STIMATE: variants seen among roughly 807,000 people sequenced by gnomAD.
The protein encoded by STIMATE is STIM activating enhancer, also known as store-operated calcium entry regulator STIMATE.
A neutral mutation model predicts 36.7 loss-of-function variants in STIMATE; 15 were observed. The ratio of observed to expected loss-of-function variants is 0.41; its 90% CI spans 0.27 to 0.63. The LOEUF is 0.63. Ranked by LOEUF, STIMATE falls within the 20% of genes least tolerant of loss-of-function variation. The probability of loss-of-function intolerance (pLI) is 0.32; values close to 1 mark genes in which losing one functional copy is unlikely to be tolerated. For missense variants in STIMATE, 305 were observed against 397.3 expected (o/e 0.77, Z 1.98); for synonymous variants, 163 against 162.3 (o/e 1.00, Z -0.03).
Position 52,880,742 on chromosome 3 carries a change from T to C in STIMATE, c.160+16549A>G, listed in dbSNP as rs574689997. Among the ~76,000 whole-genome samples the C allele has an allele frequency of 4.6e-5, 7 of 152,360 alleles. No homozygotes were observed. In the South Asian group the frequency reaches 1.4e-3, roughly 32 times the overall value. ...ACCAAAAATGTGTAGAAAGTCACTA[T>C]GCATGGAATGAGCTGGCTGTTTCAA... On this transcript the variant is annotated intron_variant, in intron 1 of 7. Coordinates refer to ENST00000355083, the MANE Select transcript of STIMATE (RefSeq NM_198563.5).
chr3:52,851,025 G>A (rs575366614), intron 3 of STIMATE, among the ~76,000 whole-genome samples: 15 of 152,280 alleles, frequency 9.9e-5, no homozygotes, highest in African/African-American at 2.6e-4. Flanking sequence ...CACCGTGCCC[G>A]GCCTACACTT....
intron 3 of STIMATE, among the ~76,000 whole-genome samples, chr3:52,851,881 T>C (rs1043706230): frequency 6.6e-6 from 1 of 152,244 alleles, no homozygotes; most frequent in Admixed American, 6.5e-5. Context: ...CTGGGCTCCA[T>C]GACTCCTGAG....
At chr3:52,844,790 A>G (rs1700865343) in intron 5 of STIMATE, 39 bp downstream of exon 5, 1 of 1,606,646 alleles carries the variant, frequency 6.2e-7, no homozygotes, top group African/African-American at 1.3e-5. Context: ...CTGCTTGCTC[A>G]GCGTGGCAAG....
intron 1 of STIMATE, among the ~76,000 whole-genome samples, chr3:52,862,882 T>G (rs1701240609): frequency 6.6e-6 from 1 of 151,396 alleles, no homozygotes; most frequent in Non-Finnish European, 1.5e-5. Context: ...GATGGAGGAA[T>G]AGAGACAGAA....
intron 1 of STIMATE, among the ~76,000 whole-genome samples, chr3:52,886,894 A>T (rs911416344): frequency 2.0e-5 from 3 of 152,196 alleles, no homozygotes; most frequent in African/African-American, 7.2e-5. Flanking sequence ...AAAACATGTA[A>T]CCTGAATGTA....
In STIMATE at chr3:52,896,467, C is replaced by A. The variant is rs563195922; in HGVS notation, c.160+824G>T. 7.7e-3 allele frequency among the ~76,000 whole-genome samples: 1,169 copies of A among 152,218 alleles called. 10 individuals carry two copies. The highest frequency in any genetic ancestry group is 0.012 in the Non-Finnish European group (790 of 68,008). ...CACACGATGAAAAACAGAAGCCCCC[C>A]CCCACCCCCCATCAGCACACATGAG... is the stretch of plus-strand genomic sequence containing the variant. On this transcript the variant is annotated intron_variant, in intron 1 of 7. Coordinates refer to ENST00000355083, the MANE Select transcript of STIMATE (RefSeq NM_198563.5).
At chr3:52,893,568 C>A (rs1023938717) in intron 1 of STIMATE, among the ~76,000 whole-genome samples, 3 of 152,134 alleles carry the variant, frequency 2.0e-5, no homozygotes, top group African/African-American at 7.2e-5. Context: ...CCTGTTCACA[C>A]AGAGCACACA....
At position 52,875,009 on chromosome 3, in the gene STIMATE, C is replaced by T. The variant is rs1016492445; in HGVS notation, c.161-19565G>A. 5.3e-5 allele frequency among the ~76,000 whole-genome samples: 8 copies of T among 152,302 alleles called. 1 individual carries two copies. In the South Asian group the frequency reaches 8.3e-4, roughly 16 times the overall value. On this transcript the variant is annotated intron_variant, in intron 1 of 7. Coordinates refer to ENST00000355083, the MANE Select transcript of STIMATE (RefSeq NM_198563.5). ...AAAAGCTTCCAGCAGGCAGAACTCACGAGAGACGGAAAATGCGCCACTTTA... is the reference window on the plus strand; with the variant it reads ...AAAAGCTTCCAGCAGGCAGAACTCATGAGAGACGGAAAATGCGCCACTTTA...
At chr3:52,863,605 CA>C (rs55810997) in intron 1 of STIMATE, among the ~76,000 whole-genome samples, 145,277 of 152,252 alleles carry the variant, frequency 0.95, 69,683 homozygotes, top group Middle Eastern at 1. Context: ...AACAGTCCCC[CA>C]AAAGTCTTAA....
intron 1 of STIMATE, among the ~76,000 whole-genome samples, chr3:52,863,807 C>T (rs6764322): frequency 0.58 from 87,659 of 152,038 alleles, 25,721 homozygotes; most frequent in Middle Eastern, 0.64. Context: ...GGTTACAGGG[C>T]CCATGCAAGT....
chr3:52,854,987 GA>G (rs1701069559), intron 2 of STIMATE, among the ~76,000 whole-genome samples: 1 of 152,238 alleles, frequency 6.6e-6, no homozygotes, highest in Admixed American at 6.5e-5. Flanking sequence ...CTCGTTTGGA[GA>G]GAGGAGCGTT....
intron 4 of STIMATE, chr3:52,847,460 T>G: frequency 1.6e-6 from 2 of 1,289,060 alleles, no homozygotes; most frequent in South Asian, 2.5e-5. Context: ...GCAGACACCA[T>G]GCGTCACCTG....
At chr3:52,857,042 AACTTCTGG>A (rs1701112242) in intron 1 of STIMATE, among the ~76,000 whole-genome samples, 1 of 152,218 alleles carries the variant, frequency 6.6e-6, no homozygotes, top group East Asian at 1.9e-4. Flanking sequence ...GGCAAGAACC[AACTTCTGG>A]CAGAGTCCTG....
chr3:52,845,019 C>A, intron 4 of STIMATE, 78 bp from the exon 5 acceptor site: 6 of 1,474,900 alleles, frequency 4.1e-6, no homozygotes, highest in Non-Finnish European at 5.6e-6. Context: ...CACTCCCCCA[C>A]ACGCACCCCA....
At position 52,885,575 on chromosome 3, in the gene STIMATE, C is replaced by T. The variant is rs75583581; in HGVS notation, c.160+11716G>A. 3.7e-4 allele frequency among the ~76,000 whole-genome samples: 56 copies of T among 152,310 alleles called. No individual in the cohort carries two copies. In the East Asian group the frequency reaches 9.3e-3, roughly 25 times the overall value. On this transcript the variant is annotated intron_variant, in intron 1 of 7. Transcript: ENST00000355083. ...AGTTCCACTTACAGTTCTCCAGCAG[C>T]GGTTCTTCAATTTGCTTCTTGAGTT...
intron 1 of STIMATE, among the ~76,000 whole-genome samples, chr3:52,888,796 C>T (rs1244121942): frequency 2.0e-5 from 3 of 152,116 alleles, no homozygotes; most frequent in Non-Finnish European, 4.4e-5. Context: ...ATTCTGCATA[C>T]AAGAAATAAA....
intron 1 of STIMATE, among the ~76,000 whole-genome samples, chr3:52,867,409 G>A (rs1056663725): frequency 6.6e-6 from 1 of 152,248 alleles, no homozygotes; most frequent in African/African-American, 2.4e-5. Flanking sequence ...GGACCTCAGT[G>A]CATGAGCAGG....
intron 1 of STIMATE, among the ~76,000 whole-genome samples, chr3:52,875,016 C>T (rs1016366867): frequency 2.6e-5 from 4 of 152,162 alleles, no homozygotes; most frequent in Admixed American, 6.5e-5. Context: ...TCACGAGAGA[C>T]GGAAAATGCG....
At chr3:52,842,986 C>G in intron 6 of STIMATE, 26 bp from the exon 7 acceptor site, 1 of 1,613,926 alleles carries the variant, frequency 6.2e-7, no homozygotes, top group African/African-American at 1.3e-5. Context: ...GTGCAGGTTA[C>G]TTTGGGATAA....
Sources: gnomAD v4.1 joint callset for allele counts (sites outside exome capture counted in the v4.1 genomes callset) on GRCh38, gnomAD v4.1.1 for gene constraint, MANE v1.5 for transcripts, NCBI Gene and HGNC (gene_info 2026-07-23, HGNC 2026-07-21) for gene names.